The following NXN variants were observed in gnomAD, a reference collection of about 807,000 sequenced individuals.
The protein encoded by NXN is nucleoredoxin 1.
NXN carries 16 observed loss-of-function variants against 48.6 expected under a neutral mutation model. The ratio of observed to expected loss-of-function variants is 0.33; its 90% CI spans 0.22 to 0.50. The LOEUF is 0.50. Ranked by LOEUF, NXN falls within the 20% of genes least tolerant of loss-of-function variation. NXN has a pLI of 0.98. For missense variants in NXN, 492 were observed against 605.5 expected (o/e 0.81, Z 1.97); for synonymous variants, 281 against 269.6 (o/e 1.04, Z -0.41).
chr17:808,947 G>C (rs555304292), intron 5 of NXN, among the ~76,000 whole-genome samples: 4 of 152,242 alleles, frequency 2.6e-5, no homozygotes, highest in African/African-American at 9.6e-5. Context: ...AAACTGCTGG[G>C]ATTACAGGTG....
chr17:909,249 T>C (rs2068611073), intron 1 of NXN, among the ~76,000 whole-genome samples: 1 of 152,144 alleles, frequency 6.6e-6, no homozygotes, highest in South Asian at 2.1e-4. Context: ...TCACTTTTAA[T>C]CTCATAAAAC....
intron 1 of NXN, among the ~76,000 whole-genome samples, chr17:938,303 C>T (rs1401039153): frequency 6.6e-6 from 1 of 152,216 alleles, no homozygotes; most frequent in East Asian, 1.9e-4. Flanking sequence ...CTAGAGCAGG[C>T]GGCAAGAGCT....
At chr17:813,579 T>C (rs1912291456) in intron 5 of NXN, among the ~76,000 whole-genome samples, 1 of 152,252 alleles carries the variant, frequency 6.6e-6, no homozygotes, top group South Asian at 2.1e-4. Flanking sequence ...GAATTAAGTT[T>C]AGAAGTATGA....
chr17:838,815 C>T (rs1913972436), intron 1 of NXN, among the ~76,000 whole-genome samples: 1 of 152,144 alleles, frequency 6.6e-6, no homozygotes. Context: ...CTACAGCTGC[C>T]TCCCTTCCAA....
chr17:944,461 G>A (rs370311275), intron 1 of NXN, among the ~76,000 whole-genome samples: 31 of 152,310 alleles, frequency 2.0e-4, no homozygotes, highest in East Asian at 9.7e-4. Flanking sequence ...CCAGTCGGCT[G>A]CAAAGGCCCT....
intron 1 of NXN, among the ~76,000 whole-genome samples, chr17:842,998 G>GAAAGAA (rs1914433399): frequency 9.5e-6 from 1 of 105,054 alleles, no homozygotes; most frequent in African/African-American, 4.0e-5. Context: ...GAGAGAAAGA[G>GAAAGAA]AGAAAGAGAG....
chr17:880,329 G>T (rs1191804537), intron 1 of NXN, among the ~76,000 whole-genome samples: 8 of 151,744 alleles, frequency 5.3e-5, no homozygotes, highest in African/African-American at 1.5e-4. Context: ...AAATACCTTG[G>T]ATTAACAACC....
intron 1 of NXN, among the ~76,000 whole-genome samples, chr17:869,079 A>T (rs1012330958): frequency 6.6e-6 from 1 of 152,206 alleles, no homozygotes; most frequent in South Asian, 2.1e-4. Context: ...CTCCTGCCTT[A>T]TATTAAGTCC....
chr17:943,379 G>GGTC (rs2069002585), intron 1 of NXN, among the ~76,000 whole-genome samples: 1 of 152,106 alleles, frequency 6.6e-6, no homozygotes, highest in South Asian at 2.1e-4. Flanking sequence ...AGGGTTCTAA[G>GGTC]GTCACAGAGG....
At chr17:951,446 G>A (rs2069109592) in intron 1 of NXN, among the ~76,000 whole-genome samples, 2 of 151,956 alleles carry the variant, frequency 1.3e-5, no homozygotes, top group Admixed American at 1.3e-4. Flanking sequence ...AGGGACCAGA[G>A]GGTAATTCTG....
rs1428414386 is a variant in NXN at position 889,753 on chromosome 17, A to AAGAG, written c.361-63676_361-63675insCTCT. On this transcript the variant is annotated intron_variant, in intron 1 of 7. Coordinates refer to ENST00000336868, the MANE Select transcript of NXN (RefSeq NM_022463.5). ...AAAGAAAGAAAGAAAGAAAGAAAGAAAGAAAGAAAAAGAAAGAAAGAAAAG... is the reference window on the plus strand; with the variant it reads ...AAAGAAAGAAAGAAAGAAAGAAAGAAAGAGAGAAAGAAAAAGAAAGAAAGAAAAG... Among the ~76,000 whole-genome samples the AAGAG allele has an allele frequency of 1.2e-3, 46 of 39,488 alleles. 2 individuals are homozygous for AAGAG. Among genetic ancestry groups the AAGAG allele is most frequent in the Admixed American group, 2.2e-3 (9 of 4,138 alleles). The allele number at this position is 39,488 out of a possible 152,430, so 25.9% of individuals were successfully genotyped here.
chr17:969,758 T>C (rs1255044123), intron 1 of NXN, among the ~76,000 whole-genome samples: 2 of 151,976 alleles, frequency 1.3e-5, no homozygotes, highest in African/African-American at 2.4e-5. Context: ...CCCAGGCATA[T>C]TGACCAAAAA....
intron 1 of NXN, among the ~76,000 whole-genome samples, chr17:877,293 C>A (rs978112005): frequency 6.6e-6 from 1 of 151,938 alleles, no homozygotes; most frequent in East Asian, 2.0e-4. Context: ...ACTACTGGCG[C>A]CCGCCACCAA....
At chr17:881,943 G>C (rs1255410436) in intron 1 of NXN, among the ~76,000 whole-genome samples, 8 of 152,172 alleles carry the variant, frequency 5.3e-5, no homozygotes, top group Non-Finnish European at 5.9e-5. Flanking sequence ...CGACGGATGG[G>C]AGGGGGAGTC....
At chr17:959,195 C>G in intron 1 of NXN, 1 of 1,023,762 alleles carries the variant, frequency 9.8e-7, no homozygotes, top group Non-Finnish European at 1.3e-6. Flanking sequence ...CGTACCAGTT[C>G]AGCCAGTACG....
chr17:900,282 A>G (rs1227562230), intron 1 of NXN, among the ~76,000 whole-genome samples: 1 of 6,524 alleles, frequency 1.5e-4, no homozygotes, highest in Non-Finnish European at 4.0e-4. Context: ...AAAAAAAGGA[A>G]AAAAAAACAC....
intron 1 of NXN, among the ~76,000 whole-genome samples, chr17:954,732 T>C (rs1170889041): frequency 6.6e-6 from 1 of 152,186 alleles, no homozygotes; most frequent in East Asian, 1.9e-4. Context: ...CCTTCCCTGA[T>C]GGCCCAACAG....
chr17:842,745 C>G (rs1462191734), intron 1 of NXN, among the ~76,000 whole-genome samples: 1 of 152,126 alleles, frequency 6.6e-6, no homozygotes, highest in Non-Finnish European at 1.5e-5. Flanking sequence ...CAAGACCAGC[C>G]CAGCCAATAT....
rs138969818 is a variant in NXN at position 934,050 on chromosome 17, T to C, written c.360+45269A>G. 4.6e-3 allele frequency among the ~76,000 whole-genome samples: 697 copies of C among 152,386 alleles called. 3 individuals carry two copies. The highest frequency in any genetic ancestry group is 0.015 in the African/African-American group (638 of 41,600). Reference sequence around the variant, plus strand: ...TCAATTAATTTTTAAAAAGGCATTTTATTTTTCACTTTATGATTATAAAAG... The same window carrying C: ...TCAATTAATTTTTAAAAAGGCATTTCATTTTTCACTTTATGATTATAAAAG... On this transcript the variant is annotated intron_variant, in intron 1 of 7. Coordinates refer to ENST00000336868, the MANE Select transcript of NXN (RefSeq NM_022463.5).
Sources: gnomAD v4.1 joint callset for allele counts (sites outside exome capture counted in the v4.1 genomes callset) on GRCh38, gnomAD v4.1.1 for gene constraint, MANE v1.5 for transcripts, NCBI Gene and HGNC (gene_info 2026-07-23, HGNC 2026-07-21) for gene names.